The following NPHP4 variants were observed in gnomAD, a reference collection of about 807,000 sequenced individuals.
NPHP4 encodes nephrocystin-4.
NPHP4 carries 151 observed loss-of-function variants against 155.8 expected under a neutral mutation model. That is an observed-to-expected ratio of 0.97 (90% CI 0.85 to 1.11). The LOEUF (loss-of-function observed/expected upper bound fraction) is 1.11. NPHP4 is among the 50% of genes least tolerant of loss of function. The pLI is 0.00. For missense variants in NPHP4, 1,956 were observed against 1,925.7 expected (o/e 1.02, Z -0.29); for synonymous variants, 845 against 816.8 (o/e 1.03, Z -0.59).
intron 29 of NPHP4, 50 bp from the exon 30 acceptor site, chr1:5,863,455 C>G (rs1352553447): frequency 1.3e-6 from 2 of 1,595,960 alleles, no homozygotes; most frequent in South Asian, 1.1e-5. Context: ...CTGTCCCACG[C>G]TCTCACCAGC....
In NPHP4 at chr1:5,986,195, T is replaced by A; in HGVS notation, c.95A>T (p.Gln32Leu). ...RQPWKESTAF[Q>L]CVLKWLDGPV... ...TCCGTCCAGCCACTTGAGGACACAC[T>A]GGAATGCCGTGGATTCCTTCCAAGG... The change falls in exon 2 of 30, where the codon CAG (glutamine) becomes CTG (leucine). Residue 32 changes from glutamine to leucine, a missense_variant. Gln to Leu is a moderately radical substitution (Grantham distance 113). Transcript: ENST00000378156. The A allele has an allele frequency of 6.2e-7, 1 of 1,613,912 alleles. No individual in the cohort carries two copies. Among genetic ancestry groups the A allele is most frequent in the East Asian group, 2.2e-5 (1 of 44,892 alleles).
intron 16 of NPHP4, among the ~76,000 whole-genome samples, chr1:5,896,822 G>C (rs1176114709): frequency 6.6e-6 from 1 of 152,130 alleles, no homozygotes; most frequent in Non-Finnish European, 1.5e-5. Flanking sequence ...GATGAGCCTG[G>C]AACCGGCACT....
rs945928140 is a variant in NPHP4, at chr1:5,874,868, C to T, written c.3044+6G>A. 5 of 1,612,510 alleles carry T rather than the reference C, an allele frequency of 3.1e-6. No homozygotes were observed. Among genetic ancestry groups the T allele is most frequent in the South Asian group, 2.2e-5 (2 of 91,044 alleles). On this transcript the variant is annotated splice_donor_region_variant and intron_variant, in intron 21 of 29. Transcript: ENST00000378156. ...TGGGGCAGGACGGGCACCACTGAGA[C>T]CTCACCTGAGCTCGGGGTTGTCGAT...
At chr1:5,925,264 T>C (rs1056826651) in intron 11 of NPHP4, among the ~76,000 whole-genome samples, 2 of 152,166 alleles carry the variant, frequency 1.3e-5, no homozygotes, top group Non-Finnish European at 2.9e-5. Flanking sequence ...CCCTAAACAG[T>C]ACAATGATTT....
intron 13 of NPHP4, among the ~76,000 whole-genome samples, chr1:5,906,235 CT>C (rs1317063640): frequency 1.3e-5 from 2 of 152,246 alleles, no homozygotes; most frequent in African/African-American, 4.8e-5. Context: ...CACCGAGCCC[CT>C]GGCTGGCGTG....
chr1:5,934,359 C>T (rs1052709025), intron 9 of NPHP4, among the ~76,000 whole-genome samples: 1 of 152,122 alleles, frequency 6.6e-6, no homozygotes, highest in Non-Finnish European at 1.5e-5. Flanking sequence ...TGCTGCGGAG[C>T]GCTGCCTAGA....
intron 2 of NPHP4, among the ~76,000 whole-genome samples, chr1:5,983,949 T>C (rs1209215407): frequency 1.3e-5 from 2 of 152,200 alleles, no homozygotes; most frequent in African/African-American, 2.4e-5. Context: ...GTAAACAACA[T>C]GTAATTGGGT....
rs12116997 is a variant in NPHP4, at chr1:5,909,185, G to A, written c.1470C>T (p.Leu490=). The A allele has an allele frequency of 0.029, 46,738 of 1,603,376 alleles. 989 individuals carry two copies. Among genetic ancestry groups the A allele is most frequent in the African/African-American group, 0.1 (7,765 of 74,812 alleles). Residue 490 remains leucine, a synonymous_variant, in exon 12 of 30, where the codon CTC becomes CTT. Transcript: ENST00000378156. ...CCACAGGTGAGTTCTGCGGGGCAGC[G>A]AGAACTCGAGGTACTGGCGCTGGCG... ...SSPPAPVPRV[L]AAPQNSPVGP...
chr1:5,895,435 G>C (rs1279916785), intron 16 of NPHP4, among the ~76,000 whole-genome samples: 3 of 152,148 alleles, frequency 2.0e-5, no homozygotes, highest in African/African-American at 7.2e-5. Flanking sequence ...GGGAGGTGGA[G>C]GCTGCAGTTT....
At position 5,947,181 on chromosome 1, in the gene NPHP4, TCTCTGGG is replaced by T; in HGVS notation, c.1035_1041del (p.Pro346TrpfsTer58). On this transcript the variant is annotated frameshift_variant, in exon 9 of 30. Coordinates refer to ENST00000378156, the MANE Select transcript of NPHP4 (RefSeq NM_015102.5). LOFTEE classifies it high-confidence loss of function. ...ACCGCAAATGCAGGGTGGCCGACCATCTCTGGGAGGCGGAGGCGGCTTCTCAAAACCA... is the reference window on the plus strand; with the variant it reads ...ACCGCAAATGCAGGGTGGCCGACCATAGGCGGAGGCGGCTTCTCAAAACCA... 1 of 1,613,872 alleles carries T rather than the reference TCTCTGGG, an allele frequency of 6.2e-7. No homozygotes were observed. The highest frequency in any genetic ancestry group is 8.5e-7 in the Non-Finnish European group (1 of 1,179,832).
chr1:5,946,139 G>A (rs1647085273), intron 9 of NPHP4, among the ~76,000 whole-genome samples: 1 of 152,154 alleles, frequency 6.6e-6, no homozygotes. Flanking sequence ...GTAGGGGTCA[G>A]TACTACAGAG....
chr1:5,972,095 C>T (rs1218744576), intron 3 of NPHP4, among the ~76,000 whole-genome samples: 1 of 152,248 alleles, frequency 6.6e-6, no homozygotes, highest in East Asian at 1.9e-4. Flanking sequence ...GCCGGGCACC[C>T]CCCATGGCAC....
chr1:5,962,131 T>C (rs1242483473), intron 5 of NPHP4, among the ~76,000 whole-genome samples, 182 bp from the exon 6 acceptor site: 2 of 152,216 alleles, frequency 1.3e-5, no homozygotes. Flanking sequence ...TAACCTTCTC[T>C]GGTAAAGTTA....
At chr1:5,871,694 T>C (rs1284783161) in intron 23 of NPHP4, among the ~76,000 whole-genome samples, 1 of 152,212 alleles carries the variant, frequency 6.6e-6, no homozygotes, top group Non-Finnish European at 1.5e-5. Flanking sequence ...ACAGCCAGCA[T>C]GGCCTCTGTG....
At chr1:5,888,227 T>C (rs1643919324) in intron 17 of NPHP4, 1 of 621,960 alleles carries the variant, frequency 1.6e-6, no homozygotes, top group African/African-American at 2.0e-5. Context: ...CTGATCAGAT[T>C]CCACGGCTCA....
chr1:5,888,270 T>C, intron 17 of NPHP4: 4 of 873,434 alleles, frequency 4.6e-6, no homozygotes, highest in Non-Finnish European at 5.5e-6. Flanking sequence ...CTGTGAGGCA[T>C]GTGGGGGATG....
intron 2 of NPHP4, among the ~76,000 whole-genome samples, chr1:5,984,927 CTT>C (rs1655243255): frequency 6.6e-6 from 1 of 152,230 alleles, no homozygotes; most frequent in Non-Finnish European, 1.5e-5. Flanking sequence ...TGGCTTCACT[CTT>C]AATTAGCAGG....
chr1:5,989,995 G>A (rs1349956326), intron 1 of NPHP4, among the ~76,000 whole-genome samples: 1 of 152,226 alleles, frequency 6.6e-6, no homozygotes, highest in Non-Finnish European at 1.5e-5. Context: ...CCTAGTCTGA[G>A]GGGCCACGGA....
At position 5,887,468 on chromosome 1, in the gene NPHP4, T is replaced by C; in HGVS notation, c.2305-2A>G. 6.2e-7 allele frequency: 1 copy of C among 1,612,858 alleles called. No homozygotes were observed. Among genetic ancestry groups the C allele is most frequent in the Non-Finnish European group, 8.5e-7 (1 of 1,179,836 alleles). ...CGGCCGGCCTTGGCGGAGGAGATGCTGCAGAAGAGAAAAGCGCGTTCAGAG... is the reference window on the plus strand; with the variant it reads ...CGGCCGGCCTTGGCGGAGGAGATGCCGCAGAAGAGAAAAGCGCGTTCAGAG... On this transcript the variant is annotated splice_acceptor_variant, in intron 17 of 29. Coordinates refer to ENST00000378156, the MANE Select transcript of NPHP4 (RefSeq NM_015102.5). LOFTEE classifies it high-confidence loss of function.
Sources: allele counts gnomAD v4.1 joint callset (sites outside exome capture counted in the v4.1 genomes callset), GRCh38; gene constraint gnomAD v4.1.1; transcripts MANE v1.5; gene names NCBI Gene and HGNC (gene_info 2026-07-23, HGNC 2026-07-21).